Variants in COL3A1 observed in about 807,000 individuals in gnomAD.
The protein encoded by COL3A1 is collagen alpha-1(III) chain.
COL3A1 carries 46 observed loss-of-function variants against 200.9 expected under a neutral mutation model. That is an observed-to-expected ratio of 0.23 (90% CI 0.18 to 0.29). The LOEUF is 0.29. COL3A1 is among the 10% of genes least tolerant of loss of function. COL3A1 has a pLI of 1.00. For missense variants in COL3A1, 1,367 were observed against 1,917.6 expected (o/e 0.71, Z 5.36); for synonymous variants, 650 against 628.0 (o/e 1.03, Z -0.52).
intron 32 of COL3A1, among the ~76,000 whole-genome samples, chr2:189,001,071 GA>G (rs1688449353): frequency 6.6e-6 from 1 of 152,144 alleles, no homozygotes; most frequent in African/African-American, 2.4e-5. Flanking sequence ...ATTGAATAAA[GA>G]AATGTACTTT....
At chr2:189,008,886 T>A (rs1471920459) in intron 47 of COL3A1, 38 bp from the exon 48 acceptor site, 1 of 1,600,806 alleles carries the variant, frequency 6.2e-7, no homozygotes, top group Admixed American at 1.7e-5. Context: ...GGCGACTGAA[T>A]GTGCATACCT....
chr2:189,010,830 T>C lies in COL3A1; in HGVS notation c.4194T>C (p.Gly1398=), dbSNP rs1054676420. Residue 1398 remains glycine (G), a synonymous_variant, in exon 50 of 51, where the codon GGT becomes GGC. Coordinates refer to ENST00000304636, the MANE Select transcript of COL3A1 (RefSeq NM_000090.4). ...TGAAGCTGATGGGGTCAAATGAAGGTGAATTCAAGGCTGAAGGAAATAGCA... is the reference window on the plus strand; with the variant it reads ...TGAAGCTGATGGGGTCAAATGAAGGCGAATTCAAGGCTGAAGGAAATAGCA... The part of the protein sequence containing the change: ...KALKLMGSNE[G]EFKAEGNSKF... 3.7e-6 allele frequency: 6 copies of C among 1,614,108 alleles called. No individual in the cohort carries two copies. Among genetic ancestry groups the C allele is most frequent in the Admixed American group, 1.7e-5 (1 of 60,004 alleles).
chr2:188,979,547 T>C (rs1309483986), intron 1 of COL3A1, among the ~76,000 whole-genome samples: 1 of 151,848 alleles, frequency 6.6e-6, no homozygotes, highest in Non-Finnish European at 1.5e-5. Flanking sequence ...GGTCTGGATG[T>C]CATCAGGGTA....
Position 188,997,702 on chromosome 2 carries a change from G to C in COL3A1, c.1872G>C (p.Gly624=). ...TGPQGPPGPT[G]PGGDKGDTGP... is the part of the protein sequence containing the mutation. ...AGTGTATCATTATACTTTTCTAGGG[G>C]CCTGGTGGTGACAAAGGAGACACAG... The change falls in exon 27 of 51, where the codon GGG becomes GGC. Residue 624 remains glycine, a splice_region_variant and synonymous_variant. Transcript: ENST00000304636. The C allele has an allele frequency of 3.1e-6, 5 of 1,613,530 alleles. No homozygotes were observed. The highest frequency in any genetic ancestry group is 4.2e-6 in the Non-Finnish European group (5 of 1,179,516).
intron 4 of COL3A1, 55 bp from the exon 5 acceptor site, chr2:188,987,004 A>G (rs905969392): frequency 7.0e-5 from 105 of 1,506,952 alleles, no homozygotes; most frequent in Non-Finnish European, 9.0e-5. Context: ...TGCTTTTTAA[A>G]AGAATTATGA....
At chr2:188,997,810 C>T in intron 27 of COL3A1, 57 bp downstream of exon 27, 2 of 1,444,780 alleles carry the variant, frequency 1.4e-6, no homozygotes, top group Non-Finnish European at 1.9e-6. Context: ...TTTTTTGTGT[C>T]CCTAATAGAT....
At chr2:188,991,643 A>C (rs1054651287) in intron 12 of COL3A1, 26 bp from the exon 13 acceptor site, 1 of 1,613,770 alleles carries the variant, frequency 6.2e-7, no homozygotes, top group Non-Finnish European at 8.5e-7. Context: ...ATTAGAGTAA[A>C]ACCATATTTC....
At position 188,997,523 on chromosome 2, in the gene COL3A1, G is replaced by A. The variant is rs73981459; in HGVS notation, c.1869+134G>A. The A allele has an allele frequency of 4.8e-3, 5,629 of 1,166,876 alleles. 191 individuals carry two copies. In the African/African-American group the frequency reaches 0.07, roughly 15 times the overall value. 72.3% of individuals were successfully genotyped at this position (1,166,876 alleles called of 1,614,324 possible). A position where few individuals can be genotyped will look rare whatever the true frequency, so the allele number is the denominator to read the frequency against. ...AGCAATGATGAAACTTGCTGACCTA[G>A]TTATCTAGCTAAATGCTAGCATTGA... On this transcript the variant is annotated intron_variant, in intron 26 of 50. Coordinates refer to ENST00000304636, the MANE Select transcript of COL3A1 (RefSeq NM_000090.4).
At chr2:188,998,769 G>T in intron 29 of COL3A1, 51 bp downstream of exon 29, 2 of 1,536,052 alleles carry the variant, frequency 1.3e-6, no homozygotes, top group Non-Finnish European at 1.8e-6. Flanking sequence ...TAGAGCAATT[G>T]ATTAGTAGTA....
chr2:188,995,099 G>C lies in COL3A1; in HGVS notation c.1509G>C (p.Lys503Asn). Residue 503 changes from lysine to asparagine, a missense_variant and splice_region_variant, in exon 21 of 51, where the codon AAG becomes AAC. Lys to Asn is a moderately conservative substitution (Grantham distance 94, BLOSUM62 0). Transcript: ENST00000304636. Reference protein sequence around the residue: ...PAGPNGIPGEKGPAGERGAPG... With the variant: ...PAGPNGIPGENGPAGERGAPG... ...GACCAAATGGCATCCCAGGAGAAAAGGTAGATAACTTTAGTTTCTATGTTC... is the reference window on the plus strand; with the variant it reads ...GACCAAATGGCATCCCAGGAGAAAACGTAGATAACTTTAGTTTCTATGTTC... The C allele has an allele frequency of 6.2e-7, 1 of 1,614,026 alleles. No individual in the cohort carries two copies. Among genetic ancestry groups the C allele is most frequent in the Non-Finnish European group, 8.5e-7 (1 of 1,179,964 alleles).
intron 26 of COL3A1, 125 bp from the exon 27 acceptor site, chr2:188,997,575 G>A (rs1688357852): frequency 8.4e-7 from 1 of 1,186,090 alleles, no homozygotes; most frequent in Non-Finnish European, 1.2e-6. Flanking sequence ...TGTGCTTTGG[G>A]TCCAGGTCCT....
chr2:188,975,337 C>A (rs1283612632), intron 1 of COL3A1, among the ~76,000 whole-genome samples: 2 of 152,172 alleles, frequency 1.3e-5, no homozygotes, highest in Non-Finnish European at 2.9e-5. Context: ...TGTTTGACTT[C>A]AGAAAGCTGT....
intron 35 of COL3A1, 65 bp from the exon 36 acceptor site, chr2:189,002,890 T>C: frequency 5.0e-6 from 6 of 1,205,470 alleles, no homozygotes; most frequent in Non-Finnish European, 7.2e-6. Context: ...TGAAGAGAAA[T>C]AATAATAAGC....
intron 1 of COL3A1, among the ~76,000 whole-genome samples, chr2:188,977,770 AC>A (rs1687853413): frequency 6.6e-6 from 1 of 152,138 alleles, no homozygotes; most frequent in African/African-American, 2.4e-5. Context: ...GAAAGGAGAT[AC>A]TAAAAAAATT....
chr2:189,002,449 T>A, intron 35 of COL3A1, 98 bp downstream of exon 35: 2 of 1,017,458 alleles, frequency 2.0e-6, no homozygotes, highest in Non-Finnish European at 3.1e-6. Context: ...TCTAGTCTCA[T>A]TTTAGCTGCT....
At chr2:188,997,621 A>C in intron 26 of COL3A1, 79 bp from the exon 27 acceptor site, 1 of 1,425,384 alleles carries the variant, frequency 7.0e-7, no homozygotes, top group Non-Finnish European at 9.9e-7. Flanking sequence ...ATAATTAAGC[A>C]ACAGGCCTGT....
In COL3A1 at chr2:189,010,312, A is replaced by G. The variant is rs1688693095; in HGVS notation, c.3958A>G (p.Ser1320Gly). 6.2e-7 allele frequency: 1 copy of G among 1,614,202 alleles called. No individual in the cohort carries two copies. Among genetic ancestry groups the G allele is most frequent in the Non-Finnish European group, 8.5e-7 (1 of 1,180,012 alleles). Residue 1320 changes from serine (S) to glycine (G), a missense_variant, in exon 49 of 51, where the codon AGT (serine) becomes GGT (glycine). Physicochemically the swap from Ser to Gly is moderately conservative, Grantham distance 56. This residue lies in a region of COL3A1 where 846 missense variants were observed against 1,147.9 expected (regional missense o/e 0.74). Coordinates refer to ENST00000304636, the MANE Select transcript of COL3A1 (RefSeq NM_000090.4). ...ACGGAAACACTGGTGGACAGATTCT[A>G]GTGCTGAGAAGAAACACGTTTGGTT... ...VPRKHWWTDS[S>G]AEKKHVWFGE...
intron 8 of COL3A1, 126 bp downstream of exon 8, chr2:188,989,575 A>G: frequency 2.7e-6 from 2 of 743,734 alleles, no homozygotes; most frequent in Non-Finnish European, 4.5e-6. Flanking sequence ...TGTCTTAACA[A>G]CATTTTAGTT....
rs377392671 is a variant in COL3A1 at position 189,008,030 on chromosome 2, C to G, written c.3418-5C>G. The G allele has an allele frequency of 2.5e-6, 4 of 1,614,116 alleles. No homozygotes were observed. The highest frequency in any genetic ancestry group is 3.4e-6 in the Non-Finnish European group (4 of 1,179,990). On this transcript the variant is annotated splice_region_variant and splice_polypyrimidine_tract_variant and intron_variant, in intron 46 of 50. Coordinates refer to ENST00000304636, the MANE Select transcript of COL3A1 (RefSeq NM_000090.4). ...TGGCATTGTGATGTCATGATACTTT[C>G]TTAGGGACCTGTTGGACCCAGTGGA...
Sources: gnomAD v4.1 joint callset for allele counts (sites outside exome capture counted in the v4.1 genomes callset) on GRCh38, gnomAD v4.1.1 for gene constraint, gnomAD v4.1.1 regional missense constraint, MANE v1.5 for transcripts, NCBI Gene and HGNC (gene_info 2026-07-23, HGNC 2026-07-21) for gene names.